ELF2: variants seen among roughly 807,000 people sequenced by gnomAD.
ELF2 encodes E74 like ETS transcription factor 2, also known as ETS-related transcription factor Elf-2.
Under a neutral mutation model 54.8 loss-of-function variants are expected in ELF2, and 11 were observed. The ratio of observed to expected loss-of-function variants is 0.20; its 90% CI spans 0.13 to 0.33. The LOEUF (loss-of-function observed/expected upper bound fraction) is 0.33, where lower values mean the gene tolerates loss of function less well. Ranked by LOEUF, ELF2 falls within the 10% of genes least tolerant of loss-of-function variation. The pLI, the probability that ELF2 is intolerant of heterozygous loss-of-function variation, is 1.00. For missense variants in ELF2, 513 were observed against 703.0 expected, an observed-to-expected ratio of 0.73 and a Z score of 3.06; for synonymous variants, 203 against 245.1, an observed-to-expected ratio of 0.83 and a Z score of 1.61.
chr4:139,139,630 CA>C (rs1401258505), intron 1 of ELF2, 133 bp from the exon 2 acceptor site: 1 of 359,922 alleles, frequency 2.8e-6, no homozygotes, highest in African/African-American at 2.1e-5. Context: ...CGCACATTCA[CA>C]TAAGGAATAT....
intron 1 of ELF2, among the ~76,000 whole-genome samples, chr4:139,169,183 A>G (rs916802251): frequency 6.6e-5 from 10 of 151,596 alleles, no homozygotes; most frequent in Non-Finnish European, 1.5e-4. Context: ...CCCCATTCCT[A>G]CTAAAAATAC....
At chr4:139,118,925 T>G (rs1219911608) in intron 4 of ELF2, among the ~76,000 whole-genome samples, 2 of 119,334 alleles carry the variant, frequency 1.7e-5, no homozygotes, top group Non-Finnish European at 3.5e-5. Flanking sequence ...GGTTAAATAC[T>G]GCCAAGTAAG....
At chr4:139,137,944 A>C in intron 2 of ELF2, 77 bp from the exon 3 acceptor site, 1 of 1,048,992 alleles carries the variant, frequency 9.5e-7, no homozygotes, top group Non-Finnish European at 1.2e-6. Flanking sequence ...TTATTGTGCA[A>C]TCTAATTTTA....
At chr4:139,165,747 T>G (rs1164239460) in intron 1 of ELF2, among the ~76,000 whole-genome samples, 1 of 152,218 alleles carries the variant, frequency 6.6e-6, no homozygotes, top group African/African-American at 2.4e-5. Flanking sequence ...CTCAAAGATT[T>G]CTGAAACAGA....
At chr4:139,096,289 T>C (rs909225616) in intron 4 of ELF2, among the ~76,000 whole-genome samples, 2 of 152,244 alleles carry the variant, frequency 1.3e-5, no homozygotes, top group Middle Eastern at 3.2e-3. Flanking sequence ...ACAAGCATTA[T>C]GTATCCTCTG....
chr4:139,118,753 T>A (rs1472437517), intron 4 of ELF2, among the ~76,000 whole-genome samples: 2 of 152,002 alleles, frequency 1.3e-5, no homozygotes, highest in Admixed American at 6.6e-5. Flanking sequence ...TAAACAAATA[T>A]TCCATTCTAA....
rs574291945 is a variant in ELF2, at chr4:139,108,260, A to G, written c.238+16904T>C. On this transcript the variant is annotated intron_variant, in intron 4 of 9. Transcript: ENST00000686138. The stretch of plus-strand genomic sequence containing the variant: ...TTATTAGTTTTCAGAACAGTGAGAG[A>G]TAACTACTGTATTCTTCATTTTGCA... Among the ~76,000 whole-genome samples, 14 of 152,320 alleles carry G rather than the reference A, an allele frequency of 9.2e-5. No homozygotes were observed. The East Asian group carries it at 1.3e-3, about 15-fold the overall frequency.
At chr4:139,172,177 ATTAT>A (rs1325734623) in intron 1 of ELF2, among the ~76,000 whole-genome samples, 4 of 152,222 alleles carry the variant, frequency 2.6e-5, no homozygotes, top group East Asian at 1.9e-4. Context: ...ATGTTTGAGT[ATTAT>A]TTAAAGAGTC....
intron 6 of ELF2, 136 bp from the exon 7 acceptor site, chr4:139,067,906 G>T: frequency 1.3e-6 from 1 of 787,964 alleles, no homozygotes; most frequent in Non-Finnish European, 1.9e-6. Context: ...ATGAAAAGCT[G>T]CTTCTAAAAG....
At chr4:139,140,856 C>A (rs1452693072) in intron 1 of ELF2, among the ~76,000 whole-genome samples, 2 of 152,026 alleles carry the variant, frequency 1.3e-5, no homozygotes, top group Admixed American at 6.6e-5. Flanking sequence ...GATAAGAAAT[C>A]TTTTATATTT....
chr4:139,061,278 G>A (rs1013398958), intron 8 of ELF2, among the ~76,000 whole-genome samples: 26 of 151,208 alleles, frequency 1.7e-4, no homozygotes, highest in Non-Finnish European at 5.9e-5. Context: ...GGGTTCAAGC[G>A]ATTCTCTTAC....
chr4:139,156,521 T>C (rs982294641), intron 1 of ELF2, among the ~76,000 whole-genome samples: 1 of 152,102 alleles, frequency 6.6e-6, no homozygotes, highest in East Asian at 1.9e-4. Context: ...CATGGTCTCA[T>C]ACCATGACTA....
At chr4:139,107,182 A>G (rs1439862281) in intron 4 of ELF2, among the ~76,000 whole-genome samples, 1 of 152,236 alleles carries the variant, frequency 6.6e-6, no homozygotes, top group Non-Finnish European at 1.5e-5. Context: ...AAAAGGTTGA[A>G]AAACCTTACA....
chr4:139,151,432 C>T (rs972150990), intron 1 of ELF2, among the ~76,000 whole-genome samples: 1 of 152,100 alleles, frequency 6.6e-6, no homozygotes, highest in African/African-American at 2.4e-5. Context: ...CTCTCCCACC[C>T]CCAAAAAGGT....
chr4:139,132,256 A>G (rs1170771958), intron 3 of ELF2, among the ~76,000 whole-genome samples: 3 of 152,238 alleles, frequency 2.0e-5, no homozygotes, highest in Non-Finnish European at 4.4e-5. Flanking sequence ...TTAAAAAGGA[A>G]TCCATTTGCA....
chr4:139,125,645 C>G (rs1736839266), intron 3 of ELF2, among the ~76,000 whole-genome samples: 1 of 151,812 alleles, frequency 6.6e-6, no homozygotes, highest in East Asian at 1.9e-4. Flanking sequence ...TCTTTTATAC[C>G]TAAACCCACA....
intron 1 of ELF2, among the ~76,000 whole-genome samples, chr4:139,149,797 CTT>C (rs1020761857): frequency 6.6e-6 from 1 of 152,106 alleles, no homozygotes; most frequent in Non-Finnish European, 1.5e-5. Flanking sequence ...TACTCACTGT[CTT>C]AAGGATGTCA....
intron 1 of ELF2, among the ~76,000 whole-genome samples, chr4:139,145,296 T>G (rs1254939319): frequency 1.3e-5 from 2 of 152,188 alleles, no homozygotes; most frequent in African/African-American, 2.4e-5. Context: ...CGTATGTCAT[T>G]CCCCTGTTAC....
intron 4 of ELF2, chr4:139,115,249 C>G (rs1291190425): frequency 6.2e-7 from 1 of 1,609,356 alleles, no homozygotes; most frequent in East Asian, 2.2e-5. Flanking sequence ...GTCCGCGCCG[C>G]CCGGGCCCTC....
Sources: gnomAD v4.1 joint callset for allele counts (sites outside exome capture counted in the v4.1 genomes callset) on GRCh38, gnomAD v4.1.1 for gene constraint, MANE v1.5 for transcripts, NCBI Gene and HGNC (gene_info 2026-07-23, HGNC 2026-07-21) for gene names.